SCLT1: variants seen among roughly 807,000 people sequenced by gnomAD.
SCLT1 encodes the protein sodium channel and clathrin linker 1.
Under a neutral mutation model 112.8 loss-of-function variants are expected in SCLT1, and 78 were observed. The ratio of observed to expected loss-of-function variants is 0.69; its 90% confidence interval spans 0.58 to 0.83. The LOEUF is 0.83. SCLT1 is among the 40% of genes least tolerant of loss of function. The pLI is 0.00. For synonymous variants in SCLT1, 257 were observed against 254.7 expected, an observed-to-expected ratio of 1.01 and a Z score of -0.09; for missense variants, 747 against 770.4, an observed-to-expected ratio of 0.97 and a Z score of 0.36.
chr4:129,077,174 T>G (rs1187238284), intron 2 of SCLT1, among the ~76,000 whole-genome samples: 4 of 152,120 alleles, frequency 2.6e-5, no homozygotes, highest in Non-Finnish European at 2.9e-5. Context: ...CAAGCCTAAA[T>G]GATCATTATG....
chr4:129,016,659 G>A (rs1312671321), intron 5 of SCLT1, among the ~76,000 whole-genome samples: 2 of 152,182 alleles, frequency 1.3e-5, no homozygotes, highest in Non-Finnish European at 1.5e-5. Flanking sequence ...AATTTTTATT[G>A]TTCTAGCTCT....
intron 18 of SCLT1, among the ~76,000 whole-genome samples, chr4:128,910,364 T>G (rs1281800010): frequency 1.3e-5 from 2 of 152,252 alleles, no homozygotes; most frequent in Non-Finnish European, 2.9e-5. Flanking sequence ...GAACTTGCTT[T>G]GCTATGTTTA....
chr4:129,084,292 C>A (rs1351108162), intron 1 of SCLT1, among the ~76,000 whole-genome samples: 7 of 152,184 alleles, frequency 4.6e-5, no homozygotes, highest in Non-Finnish European at 5.9e-5. Flanking sequence ...TCCAAAAAAA[C>A]CACAGATACA....
intron 9 of SCLT1, among the ~76,000 whole-genome samples, chr4:128,979,086 T>C (rs1741430069): frequency 6.6e-6 from 1 of 152,054 alleles, no homozygotes; most frequent in Admixed American, 6.6e-5. Context: ...GATACTAAAG[T>C]AGAAGGGAGG....
intron 2 of SCLT1, among the ~76,000 whole-genome samples, chr4:129,047,742 TG>T (rs1323725415): frequency 1.3e-5 from 2 of 152,158 alleles, no homozygotes; most frequent in Admixed American, 6.6e-5. Context: ...TGATTACTTA[TG>T]TTTAGCATTT....
intron 2 of SCLT1, among the ~76,000 whole-genome samples, chr4:129,047,229 T>C (rs548630138): frequency 6.6e-6 from 1 of 152,262 alleles, no homozygotes; most frequent in Admixed American, 6.5e-5. Flanking sequence ...AGTTTTGTTC[T>C]AAAAGCTTTA....
chr4:128,963,299 A>G (rs1299503974), intron 11 of SCLT1, among the ~76,000 whole-genome samples: 3 of 152,132 alleles, frequency 2.0e-5, no homozygotes. Context: ...AATTTTCCCT[A>G]CTGATGATAA....
At chr4:129,069,577 G>C (rs1463322624) in intron 2 of SCLT1, among the ~76,000 whole-genome samples, 1 of 151,994 alleles carries the variant, frequency 6.6e-6, no homozygotes, top group African/African-American at 2.4e-5. Flanking sequence ...CTGTATAGAA[G>C]GGCTACTGAT....
intron 16 of SCLT1, 147 bp downstream of exon 16, chr4:128,945,860 T>C: frequency 2.0e-6 from 1 of 495,610 alleles, no homozygotes; most frequent in Non-Finnish European, 3.5e-6. Context: ...GAAATAATCT[T>C]GAATAAAATT....
At chr4:129,027,982 C>G (rs1021381133) in intron 5 of SCLT1, among the ~76,000 whole-genome samples, 27 of 152,062 alleles carry the variant, frequency 1.8e-4, no homozygotes, top group African/African-American at 6.3e-4. Context: ...ACGGGAAGGA[C>G]CTCTTCAAGG....
chr4:129,019,758 T>G (rs1401712925), intron 5 of SCLT1, among the ~76,000 whole-genome samples: 1 of 152,118 alleles, frequency 6.6e-6, no homozygotes, highest in Non-Finnish European at 1.5e-5. Context: ...GCCTCCTTGG[T>G]GAAAATAGCC....
At chr4:129,033,347 G>T (rs1199714033) in intron 5 of SCLT1, among the ~76,000 whole-genome samples, 4 of 151,542 alleles carry the variant, frequency 2.6e-5, no homozygotes, top group South Asian at 4.2e-4. Flanking sequence ...ATTCGGGGGT[G>T]GGGGGCAAGG....
intron 13 of SCLT1, among the ~76,000 whole-genome samples, chr4:128,953,337 G>C (rs564373574): frequency 6.6e-6 from 1 of 152,238 alleles, no homozygotes; most frequent in South Asian, 2.1e-4. Context: ...GCTAGATTCT[G>C]ATATCTCCTT....
Position 128,952,846 on chromosome 4 carries a change from A to T in SCLT1, c.1147-6T>A, listed in dbSNP as rs1481409347. 1 of 1,386,134 alleles carries T rather than the reference A, an allele frequency of 7.2e-7. No homozygotes were observed. The highest frequency in any genetic ancestry group is 1.7e-5 in the Admixed American group (1 of 59,552). 85.9% of individuals were successfully genotyped at this position (1,386,134 alleles called of 1,614,324 possible). The stretch of plus-strand genomic sequence containing the variant: ...TGTTTTTTGGTGTTTGCAACCTGTA[A>T]ATTAAGACATTTACTCATTATTTGG... On this transcript the variant is annotated splice_polypyrimidine_tract_variant and splice_region_variant and intron_variant, in intron 13 of 20. Transcript: ENST00000281142.
At chr4:128,924,459 G>A (rs564042139) in intron 18 of SCLT1, among the ~76,000 whole-genome samples, 35 of 151,762 alleles carry the variant, frequency 2.3e-4, no homozygotes, top group African/African-American at 6.8e-4. Context: ...TAGTAGAGAC[G>A]GGGGTTTCAT....
rs573006802 is a variant in SCLT1, at chr4:129,044,259, A to G, written c.103-208T>C. ...CATGCACAATAAAAACCACTGGCAA[A>G]TTAGAAATTTGAGGATTTTTTCTTA... On this transcript the variant is annotated intron_variant, in intron 2 of 20. Coordinates refer to ENST00000281142, the MANE Select transcript of SCLT1 (RefSeq NM_144643.4). Among the ~76,000 whole-genome samples, 13 of 152,252 alleles carry G rather than the reference A, an allele frequency of 8.5e-5. No individual in the cohort carries two copies. In the South Asian group the frequency reaches 2.7e-3, roughly 32 times the overall value.
At chr4:128,948,284 C>T (rs1463677701) in intron 15 of SCLT1, among the ~76,000 whole-genome samples, 2 of 140,306 alleles carry the variant, frequency 1.4e-5, no homozygotes, top group South Asian at 2.3e-4. Flanking sequence ...TGCAGTGAGC[C>T]GAGATCATGC....
chr4:128,965,796 A>T (rs1740129842), intron 10 of SCLT1, among the ~76,000 whole-genome samples: 1 of 146,320 alleles, frequency 6.8e-6, no homozygotes, highest in African/African-American at 2.5e-5. Flanking sequence ...TTCTTGCTTC[A>T]TGTGTTAACA....
intron 19 of SCLT1, among the ~76,000 whole-genome samples, chr4:128,890,278 C>T (rs2125923183): frequency 6.6e-6 from 1 of 152,230 alleles, no homozygotes; most frequent in African/African-American, 2.4e-5. Flanking sequence ...TGCTTTTGAT[C>T]TTCCTATATT....
Sources: allele counts gnomAD v4.1 joint callset (sites outside exome capture counted in the v4.1 genomes callset), GRCh38; gene constraint gnomAD v4.1.1; transcripts MANE v1.5; gene names NCBI Gene and HGNC (gene_info 2026-07-23, HGNC 2026-07-21).